Variants in CDK10 observed in about 807,000 individuals in gnomAD.
CDK10 encodes the protein cyclin dependent kinase 10, also known as cyclin-dependent kinase 10.
A neutral mutation model predicts 51.0 loss-of-function variants in CDK10; 55 were observed. That is an observed-to-expected ratio of 1.08 (90% CI 0.87 to 1.35). The LOEUF (loss-of-function observed/expected upper bound fraction) is 1.35. CDK10 is among the 40% of genes most tolerant of loss of function. The probability of loss-of-function intolerance (pLI) is 0.00; values close to 1 mark genes in which losing one functional copy is unlikely to be tolerated. For missense variants in CDK10, 589 were observed against 485.1 expected, an observed-to-expected ratio of 1.21 and a Z score of -2.01; for synonymous variants, 255 against 199.1, an observed-to-expected ratio of 1.28 and a Z score of -2.36.
intron 3 of CDK10, 116 bp from the exon 4 acceptor site, chr16:89,691,327 A>G: frequency 1.5e-6 from 1 of 658,252 alleles, no homozygotes; most frequent in Non-Finnish European, 2.5e-6. Context: ...ATTCTCCCTG[A>G]GGTGGGGACA....
At position 89,692,521 on chromosome 16, in the gene CDK10, G is replaced by A. The variant is rs2060497808; in HGVS notation, c.485+5G>A. ...CAGGAACTTCATTATCCACAGGTGG[G>A]TGACAGCTAGGCAGAGTTGGAAGCA... On this transcript the variant is annotated splice_donor_5th_base_variant and intron_variant, in intron 6 of 12. Transcript: ENST00000353379. 1 of 1,583,338 alleles carries A rather than the reference G, an allele frequency of 6.3e-7. No individual in the cohort carries two copies. The highest frequency in any genetic ancestry group is 8.6e-7 in the Non-Finnish European group (1 of 1,164,578).
chr16:89,688,077 CTTTTTTTTTTT>C (rs35911494), intron 1 of CDK10, among the ~76,000 whole-genome samples: 5 of 75,420 alleles, frequency 6.6e-5, no homozygotes, highest in African/African-American at 3.2e-4. Context: ...GCTACGTGTG[CTTTTTTTTTTT>C]TTTTTTTTTT....
In CDK10 at chr16:89,695,541, G is replaced by C. The variant is rs1028777382; in HGVS notation, c.986-54G>C. On this transcript the variant is annotated intron_variant, in intron 12 of 12. Transcript: ENST00000353379. ...CAGAGCTGGACTCAGACCTGGGCCT[G>C]CTCCTCCTATCTGGGGCCCTGCCCC... 4.5e-6 allele frequency: 7 copies of C among 1,562,160 alleles called. No homozygotes were observed. In the African/African-American group the frequency reaches 9.5e-5, roughly 21 times the overall value.
chr16:89,689,466 C>G (rs2060346211), intron 2 of CDK10, 142 bp downstream of exon 2: 1 of 674,792 alleles, frequency 1.5e-6, no homozygotes, highest in South Asian at 1.7e-5. Context: ...TGTTCAGGAA[C>G]TTCAATTCCT....
rs1420102920 is a variant in CDK10, at chr16:89,695,962, G to C, written c.*270G>C. The C allele has an allele frequency of 1.6e-6, 1 of 635,584 alleles. No individual in the cohort carries two copies. The allele number at this position is 635,584 out of a possible 1,614,324, so 39.4% of individuals were successfully genotyped here. Reference sequence around the variant, plus strand: ...TCCGTGGCTGCAGGGGTCTCATGTGGTCCTCCTCGCTATGTTGGAAATGTG... The same window carrying C: ...TCCGTGGCTGCAGGGGTCTCATGTGCTCCTCCTCGCTATGTTGGAAATGTG... On this transcript the variant is annotated 3_prime_UTR_variant, in exon 13 of 13. Transcript: ENST00000353379.
chr16:89,691,786 G>A lies in CDK10; in HGVS notation c.336-20G>A, dbSNP rs549866322. 6.2e-7 allele frequency: 1 copy of A among 1,609,816 alleles called. No homozygotes were observed. Among genetic ancestry groups the A allele is most frequent in the South Asian group, 1.1e-5 (1 of 90,998 alleles). ...TTAGGAGAAGGCCGGAGAGTGGCAT[G>A]CATCTTCTGTTTCTTCCAGCATCTT... On this transcript the variant is annotated intron_variant, in intron 4 of 12. Coordinates refer to ENST00000353379, the MANE Select transcript of CDK10 (RefSeq NM_052988.5).
chr16:89,690,515 A>G (rs2151570678), intron 2 of CDK10, 38 bp from the exon 3 acceptor site: 3 of 1,591,738 alleles, frequency 1.9e-6, no homozygotes, highest in East Asian at 4.5e-5. Flanking sequence ...CACGAGGGGC[A>G]TCGAGATGAT....
intron 1 of CDK10, 149 bp downstream of exon 1, chr16:89,686,946 A>AGCCGGGGCGGGGCGGGC: frequency 3.1e-6 from 2 of 650,170 alleles, no homozygotes; most frequent in Admixed American, 3.7e-5. Context: ...CGGGGGCGGA[A>AGCCGGGGCGGGGCGGGC]GCCGGGGCGG....
chr16:89,693,207 T>C (rs1597862574), intron 6 of CDK10, 67 bp from the exon 7 acceptor site: 3 of 1,407,174 alleles, frequency 2.1e-6, no homozygotes, highest in Non-Finnish European at 3.0e-6. Flanking sequence ...CGGGCATTGG[T>C]GCCGTGGGGG....
intron 5 of CDK10, 27 bp downstream of exon 5, chr16:89,691,914 G>C (rs2060467559): frequency 6.3e-7 from 1 of 1,598,618 alleles, no homozygotes; most frequent in African/African-American, 1.3e-5. Flanking sequence ...CCTGGGGTGG[G>C]GGAATGGGCT....
Position 89,695,276 on chromosome 16 carries a change from C to T in CDK10, c.933-17C>T, listed in dbSNP as rs533029140. 6.2e-6 allele frequency: 10 copies of T among 1,605,802 alleles called. No individual in the cohort carries two copies. In the African/African-American group the frequency reaches 1.3e-4, roughly 21 times the overall value. The stretch of plus-strand genomic sequence containing the variant: ...GCCGCACTCACAAGTCGCACTAACG[C>T]AGGCTGCCTCCTCCAGGGCGACGGC... On this transcript the variant is annotated splice_polypyrimidine_tract_variant and intron_variant, in intron 11 of 12. Coordinates refer to ENST00000353379, the MANE Select transcript of CDK10 (RefSeq NM_052988.5).
intron 3 of CDK10, among the ~76,000 whole-genome samples, 181 bp from the exon 4 acceptor site, chr16:89,691,262 G>A (rs1407264839): frequency 6.6e-6 from 1 of 152,000 alleles, no homozygotes; most frequent in African/African-American, 2.4e-5. Flanking sequence ...TCCAGCCTGG[G>A]CAACGAGCGA....
At chr16:89,694,628 G>A in intron 9 of CDK10, 37 bp from the exon 10 acceptor site, 1 of 1,567,082 alleles carries the variant, frequency 6.4e-7, no homozygotes, top group East Asian at 2.3e-5. Context: ...GGGGTCAGCA[G>A]ACGTCTGGCC....
At chr16:89,686,950 G>C (rs541374532) in intron 1 of CDK10, 153 bp downstream of exon 1, 1 of 627,336 alleles carries the variant, frequency 1.6e-6, no homozygotes, top group African/African-American at 2.0e-5. Context: ...GGCGGAAGCC[G>C]GGGCGGGGCG....
Position 89,693,277 on chromosome 16 carries a change from C to A in CDK10, c.489C>A (p.Asp163Glu). The change falls in exon 7 of 13, where the codon GAC becomes GAA. Residue 163 changes from aspartate (D) to glutamate (E), a missense_variant. Coordinates refer to ENST00000353379, the MANE Select transcript of CDK10 (RefSeq NM_052988.5). ...YLHRNFIIHR[D>E]LKVSNLLMTD... Reference sequence around the variant, plus strand: ...TGCCACTGTTTTTCCATCACAGGGACCTGAAGGTTTCCAACTTGCTCATGA... The same window carrying A: ...TGCCACTGTTTTTCCATCACAGGGAACTGAAGGTTTCCAACTTGCTCATGA... The A allele has an allele frequency of 6.2e-7, 1 of 1,614,142 alleles. No individual in the cohort carries two copies. The highest frequency in any genetic ancestry group is 8.5e-7 in the Non-Finnish European group (1 of 1,180,020).
At chr16:89,687,659 G>A in intron 1 of CDK10, 1 of 442,056 alleles carries the variant, frequency 2.3e-6, no homozygotes. Context: ...AGCCTCCTGG[G>A]CTCAAGTGAT....
At chr16:89,692,379 G>A (rs2060492382) in intron 5 of CDK10, 70 bp from the exon 6 acceptor site, 11 of 1,191,342 alleles carry the variant, frequency 9.2e-6, no homozygotes, top group Non-Finnish European at 1.2e-5. Context: ...TGGCCAGTGT[G>A]GGTGTGGCAG....
Position 89,693,243 on chromosome 16 carries a change from G to T in CDK10, c.486-31G>T, listed in dbSNP as rs748775468. On this transcript the variant is annotated intron_variant, in intron 6 of 12. Coordinates refer to ENST00000353379, the MANE Select transcript of CDK10 (RefSeq NM_052988.5). ...AGCTCTCAGCCCCTGTGGCCCTCTG[G>T]GAGCCACCTGCCACTGTTTTTCCAT... 27 of 1,612,150 alleles carry T rather than the reference G, an allele frequency of 1.7e-5. No individual in the cohort carries two copies. The East Asian group carries it at 6.0e-4, about 36-fold the overall frequency.
At position 89,695,731 on chromosome 16, in the gene CDK10, C is replaced by T. The variant is rs1398744800; in HGVS notation, c.*39C>T. 1.3e-6 allele frequency: 2 copies of T among 1,590,924 alleles called. No homozygotes were observed. Among genetic ancestry groups the T allele is most frequent in the African/African-American group, 1.3e-5 (1 of 74,760 alleles). Reference sequence around the variant, plus strand: ...ACACGCCTGTATTCCCACACCAGGTCTTCCGATCAGTGGTGTCTGTGAAGG... The same window carrying T: ...ACACGCCTGTATTCCCACACCAGGTTTTCCGATCAGTGGTGTCTGTGAAGG... On this transcript the variant is annotated 3_prime_UTR_variant, in exon 13 of 13. Coordinates refer to ENST00000353379, the MANE Select transcript of CDK10 (RefSeq NM_052988.5).
Sources: gnomAD v4.1 joint callset for allele counts (sites outside exome capture counted in the v4.1 genomes callset) on GRCh38, gnomAD v4.1.1 for gene constraint, MANE v1.5 for transcripts, NCBI Gene and HGNC (gene_info 2026-07-23, HGNC 2026-07-21) for gene names.